ATP8A1: variants seen among roughly 807,000 people sequenced by gnomAD.
ATP8A1 encodes ATPase phospholipid transporting 8A1.
In ATP8A1, 90 loss-of-function variants were observed where a neutral mutation model predicts 177.7. The observed-to-expected ratio is 0.51, with a 90% CI of 0.43 to 0.60. The LOEUF is 0.60. ATP8A1 is among the 20% of genes least tolerant of loss of function. The pLI is 0.00. For synonymous variants in ATP8A1, 493 were observed against 485.9 expected (o/e 1.01, Z -0.19); for missense variants, 1,072 against 1,392.8 (o/e 0.77, Z 3.67).
chr4:42,603,390 A>G (rs7681922), intron 5 of ATP8A1, among the ~76,000 whole-genome samples: 27,082 of 152,172 alleles, frequency 0.18, 2,583 homozygotes, highest in East Asian at 0.21. Flanking sequence ...AATGCATTAA[A>G]TTTTTGTACA....
intron 6 of ATP8A1, 85 bp from the exon 7 acceptor site, chr4:42,590,969 C>G: frequency 8.2e-7 from 1 of 1,219,032 alleles, no homozygotes; most frequent in East Asian, 2.4e-5. Flanking sequence ...ACAAAAGAGA[C>G]AGAAAGTTCG....
chr4:42,524,785 A>G lies in ATP8A1; in HGVS notation c.1785T>C (p.His595=). 6.2e-7 allele frequency: 1 copy of G among 1,609,596 alleles called. No homozygotes were observed. ...TSKYKEITLK[H]LEQFATEGLR... is the part of the protein sequence containing the mutation. ...TACCTTCTGTAGCAAACTGCTCTAA[A>G]TGTTTTAGGGTAATTTCTTTGTATT... Residue 595 remains histidine (H), a synonymous_variant, in exon 21 of 37, where the codon CAT becomes CAC. Transcript: ENST00000381668.
Position 42,454,488 on chromosome 4 carries a change from T to G in ATP8A1, c.2817+809A>C, listed in dbSNP as rs139269852. 3.6e-3 allele frequency among the ~76,000 whole-genome samples: 555 copies of G among 152,370 alleles called. 6 individuals are homozygous for G. The highest frequency in any genetic ancestry group is 0.013 in the African/African-American group (529 of 41,586). Reference sequence around the variant, plus strand: ...GTGAAAGTGTATTTTATTTGTTGCTTTCATAACACTAATATACAAATGTTA... The same window carrying G: ...GTGAAAGTGTATTTTATTTGTTGCTGTCATAACACTAATATACAAATGTTA... On this transcript the variant is annotated intron_variant, in intron 29 of 36. Transcript: ENST00000381668.
At chr4:42,548,755 C>T (rs532370083) in intron 19 of ATP8A1, among the ~76,000 whole-genome samples, 5 of 152,140 alleles carry the variant, frequency 3.3e-5, no homozygotes, top group African/African-American at 1.2e-4. Context: ...TACTCTTTAC[C>T]TCCATGAGAT....
intron 25 of ATP8A1, among the ~76,000 whole-genome samples, chr4:42,465,612 A>C (rs1216267003): frequency 2.0e-5 from 3 of 152,270 alleles, no homozygotes; most frequent in Non-Finnish European, 4.4e-5. Context: ...GGGTCAAGTA[A>C]AAATCAAGCA....
At chr4:42,511,145 A>T (rs1724965149) in intron 22 of ATP8A1, among the ~76,000 whole-genome samples, 1 of 152,092 alleles carries the variant, frequency 6.6e-6, no homozygotes, top group East Asian at 1.9e-4. Context: ...GGTTCTGCAG[A>T]CTCCTTTCCT....
At chr4:42,417,830 T>A (rs2153166413) in intron 35 of ATP8A1, among the ~76,000 whole-genome samples, 1 of 152,360 alleles carries the variant, frequency 6.6e-6, no homozygotes, top group East Asian at 1.9e-4. Context: ...CTAGGGTAGC[T>A]GTGGTGGCGG....
At chr4:42,606,666 C>T (rs2109418686) in intron 5 of ATP8A1, among the ~76,000 whole-genome samples, 1 of 152,310 alleles carries the variant, frequency 6.6e-6, no homozygotes, top group Admixed American at 6.5e-5. Flanking sequence ...CTGTGTGAGA[C>T]AACTCAATTT....
At chr4:42,622,562 G>A (rs1374263474) in intron 4 of ATP8A1, among the ~76,000 whole-genome samples, 1 of 151,886 alleles carries the variant, frequency 6.6e-6, no homozygotes, top group East Asian at 1.9e-4. Flanking sequence ...TAATTAAAGA[G>A]CTTTTGCACA....
intron 33 of ATP8A1, among the ~76,000 whole-genome samples, chr4:42,430,193 C>A (rs1048460484): frequency 2.6e-5 from 4 of 152,126 alleles, no homozygotes; most frequent in African/African-American, 9.7e-5. Flanking sequence ...TCTCCCCACC[C>A]CAAATCCAGA....
chr4:42,626,852 G>A, intron 2 of ATP8A1, 143 bp downstream of exon 2: 1 of 667,196 alleles, frequency 1.5e-6, no homozygotes, highest in Non-Finnish European at 2.7e-6. Flanking sequence ...AGAGAAGATG[G>A]GGAAACAGCC....
intron 23 of ATP8A1, 125 bp from the exon 24 acceptor site, chr4:42,503,639 G>T: frequency 1.7e-6 from 1 of 589,070 alleles, no homozygotes; most frequent in Non-Finnish European, 2.8e-6. Flanking sequence ...GCAACCAGTT[G>T]TTTTCCAGGT....
chr4:42,529,483 G>A (rs571903208), intron 20 of ATP8A1, among the ~76,000 whole-genome samples: 2 of 152,306 alleles, frequency 1.3e-5, no homozygotes, highest in African/African-American at 4.8e-5. Context: ...CAGCAGCACT[G>A]CATCATCAAA....
rs187761211 is a variant in ATP8A1 at position 42,488,973 on chromosome 4, C to T, written c.2152-3305G>A. On this transcript the variant is annotated intron_variant, in intron 24 of 36. Coordinates refer to ENST00000381668, the MANE Select transcript of ATP8A1 (RefSeq NM_006095.2). ...AGCATTGATAAATTCTGATTTCATCCCGTTGGCAATGCTCCATTTCCCCCT... is the reference window on the plus strand; with the variant it reads ...AGCATTGATAAATTCTGATTTCATCTCGTTGGCAATGCTCCATTTCCCCCT... 5.6e-4 allele frequency among the ~76,000 whole-genome samples: 86 copies of T among 152,232 alleles called. No individual in the cohort carries two copies. In the Middle Eastern group the frequency reaches 0.01, roughly 18 times the overall value.
At chr4:42,590,754 T>A in intron 7 of ATP8A1, 57 bp downstream of exon 7, 1 of 1,530,092 alleles carries the variant, frequency 6.5e-7, no homozygotes. Context: ...GCAACTGTTC[T>A]CCGGTTTACG....
intron 19 of ATP8A1, among the ~76,000 whole-genome samples, chr4:42,546,316 C>A (rs1406063379): frequency 6.6e-6 from 1 of 150,978 alleles, no homozygotes; most frequent in Non-Finnish European, 1.5e-5. Flanking sequence ...TCATTCTCAG[C>A]AAACTATTGC....
chr4:42,498,265 G>A (rs530362438), intron 24 of ATP8A1, among the ~76,000 whole-genome samples: 7 of 152,202 alleles, frequency 4.6e-5, no homozygotes, highest in South Asian at 2.1e-4. Context: ...ACAGTGGCCC[G>A]TTCCCAAAAC....
At chr4:42,416,621 T>C (rs1399125460) in intron 35 of ATP8A1, among the ~76,000 whole-genome samples, 4 of 152,180 alleles carry the variant, frequency 2.6e-5, no homozygotes, top group Admixed American at 2.6e-4. Context: ...GGAAAGATCA[T>C]GGGCTCTGGA....
chr4:42,443,974 C>G (rs1224060867), intron 32 of ATP8A1, among the ~76,000 whole-genome samples: 4 of 152,184 alleles, frequency 2.6e-5, no homozygotes, highest in Admixed American at 2.6e-4. Flanking sequence ...CTGCCTTACT[C>G]TTGGTCTGCA....
Sources: allele counts gnomAD v4.1 joint callset (sites outside exome capture counted in the v4.1 genomes callset), GRCh38; gene constraint gnomAD v4.1.1; transcripts MANE v1.5; gene names NCBI Gene and HGNC (gene_info 2026-07-23, HGNC 2026-07-21).